MALRD1: variants seen among roughly 807,000 people sequenced by gnomAD.
The protein encoded by MALRD1 is MAM and LDL-receptor class A domain-containing protein 1.
Under a neutral mutation model 242.1 loss-of-function variants are expected in MALRD1, and 247 were observed. That is an observed-to-expected ratio of 1.02 (90% CI 0.92 to 1.13). The LOEUF (loss-of-function observed/expected upper bound fraction) is 1.13, where lower values mean the gene tolerates loss of function less well. Ranked by LOEUF, MALRD1 falls within the 50% of genes most tolerant of loss-of-function variation. The pLI is 0.00. For missense variants in MALRD1, 2,989 were observed against 2,533.1 expected, an observed-to-expected ratio of 1.18 and a Z score of -3.86; for synonymous variants, 995 against 866.6, an observed-to-expected ratio of 1.15 and a Z score of -2.60.
At chr10:19,096,372 A>G (rs1274802114) in intron 4 of MALRD1, among the ~76,000 whole-genome samples, 1 of 152,220 alleles carries the variant, frequency 6.6e-6, no homozygotes, top group Non-Finnish European at 1.5e-5. Flanking sequence ...CAACTAAAGC[A>G]GATACGTGTG....
chr10:19,048,671 A>G, upstream of MALRD1: 1 of 267,806 alleles, frequency 3.7e-6, no homozygotes, highest in East Asian at 6.5e-5. Context: ...AATTGTGTAA[A>G]TATGGCATAC....
intron 31 of MALRD1, among the ~76,000 whole-genome samples, chr10:19,512,744 C>T (rs1406303044): frequency 2.6e-5 from 4 of 152,156 alleles, no homozygotes; most frequent in Non-Finnish European, 5.9e-5. Flanking sequence ...ACTTGGTTGT[C>T]TTCCCAGAAT....
chr10:19,497,056 A>G (rs1293075803), intron 30 of MALRD1, among the ~76,000 whole-genome samples: 4 of 152,190 alleles, frequency 2.6e-5, no homozygotes, highest in African/African-American at 9.6e-5. Flanking sequence ...AAAGCGGGAC[A>G]GGAGGTACAA....
intron 31 of MALRD1, among the ~76,000 whole-genome samples, chr10:19,504,840 G>T (rs959315203): frequency 1.3e-5 from 2 of 150,356 alleles, no homozygotes; most frequent in Non-Finnish European, 3.0e-5. Context: ...CCGCCACCGC[G>T]CCCGGCTAAG....
Position 19,183,910 on chromosome 10 carries a change from T to C in MALRD1, c.1951+8582T>C, listed in dbSNP as rs1273857671. 2.6e-5 allele frequency among the ~76,000 whole-genome samples: 4 copies of C among 151,634 alleles called. No individual in the cohort carries two copies. In the South Asian group the frequency reaches 8.3e-4, roughly 32 times the overall value. On this transcript the variant is annotated intron_variant, in intron 14 of 39. Coordinates refer to ENST00000454679, the MANE Select transcript of MALRD1 (RefSeq NM_001142308.3). ...CCCAGGTGTACAGGTTTTCAAGGAG[T>C]CTCTCTCTCTCTGCCAGTTAAAACA...
At position 19,393,744 on chromosome 10, in the gene MALRD1, C is replaced by T. The variant is rs12249053; in HGVS notation, c.4845+4135C>T. ...GTGCTGGATTACAGGCGTGAGCCAC[C>T]GCGCCCGGCCCTGATGGGGTTAATT... On this transcript the variant is annotated intron_variant, in intron 28 of 39. Transcript: ENST00000454679. 5.3e-3 allele frequency among the ~76,000 whole-genome samples: 799 copies of T among 151,942 alleles called. 2 individuals carry two copies. The highest frequency in any genetic ancestry group is 0.018 in the African/African-American group (758 of 41,416).
In MALRD1 at chr10:19,640,851, T is replaced by A. The variant is rs1840353120; in HGVS notation, c.6137+24928T>A. 2.0e-5 allele frequency among the ~76,000 whole-genome samples: 3 copies of A among 152,342 alleles called. 1 individual carries two copies. In the South Asian group the frequency reaches 6.2e-4, roughly 32 times the overall value. ...GAAATGATATAGTAAGTTCTTGTTT[T>A]TCTAATGAAAATTGTTTAAAAGGCA... is the stretch of plus-strand genomic sequence containing the variant. On this transcript the variant is annotated intron_variant, in intron 36 of 39. Coordinates refer to ENST00000454679, the MANE Select transcript of MALRD1 (RefSeq NM_001142308.3).
chr10:19,214,294 A>C (rs984919255), intron 18 of MALRD1, among the ~76,000 whole-genome samples: 2 of 152,196 alleles, frequency 1.3e-5, no homozygotes, highest in Non-Finnish European at 2.9e-5. Context: ...TTCTCCAGGC[A>C]TAAATTAGGG....
intron 10 of MALRD1, among the ~76,000 whole-genome samples, chr10:19,139,940 TA>T (rs918080108): frequency 1.3e-5 from 2 of 152,104 alleles, no homozygotes; most frequent in African/African-American, 4.8e-5. Context: ...AGATGGCATC[TA>T]AAAAAATTGA....
intron 18 of MALRD1, among the ~76,000 whole-genome samples, chr10:19,241,098 C>A (rs908504155): frequency 1.3e-4 from 20 of 152,068 alleles, no homozygotes; most frequent in African/African-American, 4.3e-4. Flanking sequence ...GGAAGTCTTC[C>A]TTCCTCATTA....
rs1260760024 is a variant in MALRD1, at chr10:19,469,171, A to G, written c.5029+18681A>G. Among the ~76,000 whole-genome samples the G allele has an allele frequency of 2.6e-5, 4 of 152,230 alleles. No homozygotes were observed. In the East Asian group the frequency reaches 7.7e-4, roughly 29 times the overall value. ...AGTAATGTGAACCCTTATTATACAC[A>G]TAAAAGAGTATTTTTAATATACGCT... On this transcript the variant is annotated intron_variant, in intron 29 of 39. Coordinates refer to ENST00000454679, the MANE Select transcript of MALRD1 (RefSeq NM_001142308.3).
chr10:19,310,582 A>G (rs1020735370), intron 21 of MALRD1, among the ~76,000 whole-genome samples: 1 of 151,612 alleles, frequency 6.6e-6, no homozygotes, highest in East Asian at 1.9e-4. Context: ...TAAGAAAACC[A>G]GAAGACATCC....
chr10:19,728,193 C>T (rs1835129065), intron 38 of MALRD1, among the ~76,000 whole-genome samples: 1 of 152,138 alleles, frequency 6.6e-6, no homozygotes, highest in South Asian at 2.1e-4. Flanking sequence ...CCTTCCAATA[C>T]TCACACTGAA....
chr10:19,264,227 A>G (rs978724338), intron 19 of MALRD1, among the ~76,000 whole-genome samples: 3 of 152,130 alleles, frequency 2.0e-5, no homozygotes, highest in Non-Finnish European at 4.4e-5. Context: ...AATGTTATGT[A>G]TCACATTTAT....
chr10:19,332,106 T>C (rs1362229507), intron 24 of MALRD1, among the ~76,000 whole-genome samples: 1 of 151,890 alleles, frequency 6.6e-6, no homozygotes, highest in Admixed American at 6.6e-5. Flanking sequence ...CCTCATGATC[T>C]GCCTGCCTTG....
chr10:19,094,481 G>A (rs1168907615), intron 4 of MALRD1, among the ~76,000 whole-genome samples: 23 of 149,200 alleles, frequency 1.5e-4, no homozygotes, highest in Admixed American at 8.8e-4. Flanking sequence ...ACTGGCCTGC[G>A]CCCACTGTCT....
At chr10:19,278,944 A>G (rs1840670988) in intron 19 of MALRD1, among the ~76,000 whole-genome samples, 1 of 152,226 alleles carries the variant, frequency 6.6e-6, no homozygotes, top group East Asian at 1.9e-4. Context: ...ATACATATTT[A>G]CACTCACCAG....
At chr10:19,544,520 CTGT>C (rs1835122240) in intron 32 of MALRD1, among the ~76,000 whole-genome samples, 1 of 151,538 alleles carries the variant, frequency 6.6e-6, no homozygotes, top group Admixed American at 6.6e-5. Flanking sequence ...GGCTAGATTT[CTGT>C]TGTTCTTGCT....
chr10:19,280,747 A>G (rs1840765469), intron 20 of MALRD1, among the ~76,000 whole-genome samples: 1 of 152,214 alleles, frequency 6.6e-6, no homozygotes. Context: ...TGCCAATTCA[A>G]TGGCTTTTCC....
Sources: gnomAD v4.1 joint callset for allele counts (sites outside exome capture counted in the v4.1 genomes callset) on GRCh38, gnomAD v4.1.1 for gene constraint, MANE v1.5 for transcripts, NCBI Gene and HGNC (gene_info 2026-07-23, HGNC 2026-07-21) for gene names.